The following SLC43A2 variants were observed in gnomAD, a reference collection of about 807,000 sequenced individuals.
SLC43A2 encodes the protein solute carrier family 43 member 2, also known as large neutral amino acids transporter small subunit 4.
Under a neutral mutation model 63.2 loss-of-function variants are expected in SLC43A2, and 38 were observed. The observed-to-expected ratio is 0.60, with a 90% confidence interval of 0.46 to 0.79. The LOEUF (loss-of-function observed/expected upper bound fraction) is 0.79. Ranked by LOEUF, SLC43A2 falls within the 30% of genes least tolerant of loss-of-function variation. The probability of loss-of-function intolerance (pLI) is 0.00; values close to 1 mark genes in which losing one functional copy is unlikely to be tolerated. For synonymous variants in SLC43A2, 322 were observed against 331.0 expected (o/e 0.97, Z 0.30); for missense variants, 644 against 756.2 (o/e 0.85, Z 1.74).
intron 2 of SLC43A2, among the ~76,000 whole-genome samples, chr17:1,617,301 A>G (rs900603581): frequency 2.0e-5 from 3 of 152,202 alleles, no homozygotes; most frequent in African/African-American, 7.2e-5. Context: ...TCCTCTGTCC[A>G]TGTGGGGAGA....
chr17:1,586,928 T>TACCCCCCCCCC, intron 9 of SLC43A2: 3 of 1,232,914 alleles, frequency 2.4e-6, no homozygotes, highest in Admixed American at 2.2e-5. Context: ...TCCCTGACAA[T>TACCCCCCCCCC]CCCCCCCACC....
intron 5 of SLC43A2, among the ~76,000 whole-genome samples, chr17:1,596,478 G>C (rs900824824): frequency 3.3e-5 from 5 of 152,074 alleles, no homozygotes; most frequent in African/African-American, 1.2e-4. Context: ...CACAGATCAA[G>C]AGCTTGCATC....
chr17:1,600,549 C>CTT (rs398030152), intron 5 of SLC43A2, among the ~76,000 whole-genome samples: 20 of 73,762 alleles, frequency 2.7e-4, no homozygotes, highest in African/African-American at 8.7e-4. Flanking sequence ...TTTCTTTCCT[C>CTT]TTTTTTTTTT....
At chr17:1,579,509 T>A (rs969653189) in intron 11 of SLC43A2, among the ~76,000 whole-genome samples, 1 of 151,226 alleles carries the variant, frequency 6.6e-6, no homozygotes, top group Admixed American at 6.6e-5. Flanking sequence ...TAAATTATAT[T>A]AAAGTAAAGG....
At position 1,575,505 on chromosome 17, in the gene SLC43A2, G is replaced by A. The variant is rs570555909; in HGVS notation, c.*99C>T. 4.8e-5 allele frequency: 72 copies of A among 1,501,312 alleles called. No homozygotes were observed. The highest frequency in any genetic ancestry group is 6.9e-5 in the African/African-American group (5 of 72,734). The allele number at this position is 1,501,312 out of a possible 1,614,324, so 93.0% of individuals were successfully genotyped here. A position where few individuals can be genotyped will look rare whatever the true frequency, so the allele number is the denominator to read the frequency against. On this transcript the variant is annotated 3_prime_UTR_variant, in exon 14 of 14. Transcript: ENST00000301335. ...GGAGCGTGAACGCTGGCACGGAGAC[G>A]GCGAAGGTCCTGGGGGTGCGTGGGG...
intron 9 of SLC43A2, among the ~76,000 whole-genome samples, chr17:1,587,388 G>A (rs1172841152): frequency 6.6e-6 from 1 of 152,246 alleles, no homozygotes; most frequent in Admixed American, 6.5e-5. Flanking sequence ...TGCTCAGAGA[G>A]AGGGAAAGGT....
chr17:1,616,545 A>C lies in SLC43A2; in HGVS notation c.368+17T>G. The C allele has an allele frequency of 6.3e-7, 1 of 1,599,884 alleles. No individual in the cohort carries two copies. Among genetic ancestry groups the C allele is most frequent in the Non-Finnish European group, 8.5e-7 (1 of 1,173,570 alleles). On this transcript the variant is annotated intron_variant, in intron 3 of 13. Coordinates refer to ENST00000301335, the MANE Select transcript of SLC43A2 (RefSeq NM_152346.3). ...TCCACCTGCCCACTCCCTGCCCCCTAAGGGACCCACACTGACCTGCCCAGC... is the reference window on the plus strand; with the variant it reads ...TCCACCTGCCCACTCCCTGCCCCCTCAGGGACCCACACTGACCTGCCCAGC...
At chr17:1,621,454 C>T (rs964716013) in intron 2 of SLC43A2, among the ~76,000 whole-genome samples, 4 of 152,166 alleles carry the variant, frequency 2.6e-5, no homozygotes, top group African/African-American at 4.8e-5. Context: ...TTAGTCTATC[C>T]GGCAACAGGA....
rs1245068915 is a variant in SLC43A2 at position 1,583,583 on chromosome 17, T to A, written c.1218-247A>T. On this transcript the variant is annotated intron_variant, in intron 10 of 13. Transcript: ENST00000301335. The surrounding 1 kb of genome is among the most constrained non-coding windows in gnomAD (Gnocchi z 5.5). ...TACAAGAAGATGGCCATCCATATGC[T>A]GCAGTGCTCTGTGAAGGCTGAGCTA... 5.9e-6 allele frequency: 3 copies of A among 512,278 alleles called. No homozygotes were observed. Among genetic ancestry groups the A allele is most frequent in the African/African-American group, 1.9e-5 (1 of 52,440 alleles). The allele number at this position is 512,278 out of a possible 1,614,324, so 31.7% of individuals were successfully genotyped here. A position where few individuals can be genotyped will look rare whatever the true frequency, so the allele number is the denominator to read the frequency against.
At chr17:1,609,045 G>GA (rs1189058441) in intron 5 of SLC43A2, among the ~76,000 whole-genome samples, 29 of 152,164 alleles carry the variant, frequency 1.9e-4, no homozygotes, top group Admixed American at 1.4e-3. Flanking sequence ...ATAAAGAGGA[G>GA]AAAAAATGCT....
intron 10 of SLC43A2, among the ~76,000 whole-genome samples, chr17:1,584,712 T>C (rs1201086769): frequency 6.6e-6 from 1 of 151,130 alleles, no homozygotes; most frequent in African/African-American, 2.4e-5. Flanking sequence ...CCCAGATACT[T>C]GGAAGCCTGA....
At position 1,606,210 on chromosome 17, in the gene SLC43A2, C is replaced by G. The variant is rs542221413; in HGVS notation, c.501+6985G>C. Among the ~76,000 whole-genome samples the G allele has an allele frequency of 2.0e-5, 3 of 152,212 alleles. No individual in the cohort carries two copies. Among genetic ancestry groups the G allele is most frequent in the South Asian group, 2.1e-4 (1 of 4,820 alleles). ...GCTGGCCGGGGGCCACCGTGGGACC[C>G]TCTCCTGGCTGCAGACGCGGGGTCT... On this transcript the variant is annotated intron_variant, in intron 5 of 13. Coordinates refer to ENST00000301335, the MANE Select transcript of SLC43A2 (RefSeq NM_152346.3). This position sits in a 1 kb window ranked among gnomAD's most constrained non-coding sequence, Gnocchi z 4.7.
Position 1,591,719 on chromosome 17 carries a change from CGGGGT to C in SLC43A2, c.595-25_595-21del. On this transcript the variant is annotated intron_variant, in intron 6 of 13. Transcript: ENST00000301335. ...GATGAGCTGACAGGCACCGCGGGGA[CGGGGT>C]GGGGGGGGGAGGGGGCAGAGTTAGC... The C allele has an allele frequency of 3.4e-5, 4 of 118,052 alleles. No homozygotes were observed. The highest frequency in any genetic ancestry group is 7.2e-5 in the Non-Finnish European group (4 of 55,422). The allele number at this position is 118,052 out of a possible 1,614,324, so 7.3% of individuals were successfully genotyped here.
chr17:1,576,526 G>A (rs753397496), intron 13 of SLC43A2, 71 bp downstream of exon 13: 63 of 1,523,850 alleles, frequency 4.1e-5, no homozygotes, highest in Non-Finnish European at 5.3e-5. Flanking sequence ...GCCCCCGAGG[G>A]GGACCTTGCA....
rs1479582280 is a variant in SLC43A2 at position 1,583,306 on chromosome 17, C to T, written c.1248G>A (p.Arg416=). The change falls in exon 11 of 14, where the codon CGG becomes CGA. Residue 416 remains arginine, a synonymous_variant. Transcript: ENST00000301335. The surrounding 1 kb of genome is among the most constrained non-coding windows in gnomAD (Gnocchi z 5.5). The part of the protein sequence containing the change: ...QGEKKKKKRD[R]QIQKITNAMR... ...TGGCATTAGTGATCTTCTGGATCTG[C>T]CGGTCCCGCTTCTTCTTTTTCTTCT... is the stretch of plus-strand genomic sequence containing the variant. The T allele has an allele frequency of 1.9e-6, 3 of 1,614,150 alleles. No homozygotes were observed. Among genetic ancestry groups the T allele is most frequent in the Non-Finnish European group, 2.5e-6 (3 of 1,180,018 alleles).
intron 3 of SLC43A2, among the ~76,000 whole-genome samples, chr17:1,615,842 C>CAATAAATAAATAAATAAATA (rs55746555): frequency 1.7e-5 from 2 of 118,842 alleles, no homozygotes; most frequent in Non-Finnish European, 3.4e-5. Flanking sequence ...GACTCCATCT[C>CAATAAATAAATAAATAAATA]AATAAATAAA....
Position 1,605,063 on chromosome 17 carries a change from GACTCACCACCAC to G in SLC43A2, c.501+8120_501+8131del, listed in dbSNP as rs777876951. 3.3e-6 allele frequency: 3 copies of G among 901,362 alleles called. No individual in the cohort carries two copies. The highest frequency in any genetic ancestry group is 3.0e-6 in the Non-Finnish European group (2 of 659,158). The allele number at this position is 901,362 out of a possible 1,614,324, so 55.8% of individuals were successfully genotyped here. ...AAGCAGGAAGCCGGAGCTGTTTCCT[GACTCACCACCAC>G]ACTCACAGGTGGGAGTGCAAGCCCC... On this transcript the variant is annotated intron_variant, in intron 5 of 13. Transcript: ENST00000301335. The surrounding 1 kb of genome is among the most constrained non-coding windows in gnomAD (Gnocchi z 4.9).
chr17:1,612,260 A>G (rs998137238), intron 5 of SLC43A2, among the ~76,000 whole-genome samples: 4 of 151,974 alleles, frequency 2.6e-5, no homozygotes, highest in Admixed American at 6.6e-5. Context: ...CACCATGCCC[A>G]GCCCCTTTTT....
chr17:1,617,306 G>C (rs1907768805), intron 2 of SLC43A2, among the ~76,000 whole-genome samples: 3 of 152,204 alleles, frequency 2.0e-5, no homozygotes, highest in African/African-American at 7.2e-5. Flanking sequence ...TGTCCATGTG[G>C]GGAGACTGCG....
Sources: gnomAD v4.1 joint callset for allele counts (sites outside exome capture counted in the v4.1 genomes callset) on GRCh38, gnomAD v4.1.1 for gene constraint, Gnocchi (gnomAD v3.1) non-coding constraint, MANE v1.5 for transcripts, NCBI Gene and HGNC (gene_info 2026-07-23, HGNC 2026-07-21) for gene names.